The following FSTL4 variants were observed in gnomAD, a reference collection of about 807,000 sequenced individuals.
FSTL4 encodes the protein follistatin-related protein 4.
Under a neutral mutation model 78.2 loss-of-function variants are expected in FSTL4, and 28 were observed. The observed-to-expected ratio is 0.36, with a 90% CI of 0.27 to 0.49. The LOEUF (loss-of-function observed/expected upper bound fraction) is 0.49, where lower values mean the gene tolerates loss of function less well. Ranked by LOEUF, FSTL4 falls within the 20% of genes least tolerant of loss-of-function variation. The pLI, the probability that FSTL4 is intolerant of heterozygous loss-of-function variation, is 0.98. For missense variants in FSTL4, 922 were observed against 1,084.9 expected (o/e 0.85, Z 2.11); for synonymous variants, 422 against 440.5 (o/e 0.96, Z 0.53).
the FSTL4 span, among the ~76,000 whole-genome samples, chr5:133,831,375 A>C: frequency 6.6e-6 from 1 of 152,166 alleles, no homozygotes; most frequent in Non-Finnish European, 1.5e-5. Context: ...ATGACTCTTA[A>C]GTGCTTCCTT....
chr5:133,733,330 A>C, the FSTL4 span, among the ~76,000 whole-genome samples: 1 of 152,220 alleles, frequency 6.6e-6, no homozygotes, highest in East Asian at 1.9e-4. Context: ...TTGCCCGACC[A>C]TCTGAAACCC....
At chr5:133,530,180 C>T (rs1347315671) in intron 3 of FSTL4, among the ~76,000 whole-genome samples, 6 of 152,108 alleles carry the variant, frequency 3.9e-5, no homozygotes, top group Non-Finnish European at 8.8e-5. Context: ...GTAAAACCGA[C>T]GGTGGGAATC....
chr5:133,211,953 C>G (rs745590889), intron 13 of FSTL4, among the ~76,000 whole-genome samples: 39 of 151,900 alleles, frequency 2.6e-4, no homozygotes, highest in Non-Finnish European at 4.4e-4. Context: ...TCTCCCTTTA[C>G]TCTCTTGCTT....
At chr5:133,227,688 TAAAG>T (rs1423894677) in intron 8 of FSTL4, among the ~76,000 whole-genome samples, 3 of 151,690 alleles carry the variant, frequency 2.0e-5, no homozygotes, top group South Asian at 4.2e-4. Flanking sequence ...AGAATAAACT[TAAAG>T]AAAGAAGAAG....
intron 4 of FSTL4, among the ~76,000 whole-genome samples, chr5:133,342,747 G>A (rs568430806): frequency 1.3e-4 from 19 of 151,920 alleles, no homozygotes; most frequent in Non-Finnish European, 2.9e-5. Context: ...GAAAACTTGG[G>A]AAAAAGAAAA....
chr5:133,563,014 G>A (rs947934340), intron 3 of FSTL4, among the ~76,000 whole-genome samples: 2 of 152,180 alleles, frequency 1.3e-5, no homozygotes, highest in Non-Finnish European at 2.9e-5. Context: ...AATTTTAGAT[G>A]TCTGGAGGGA....
At chr5:133,677,891 G>A in the FSTL4 span, among the ~76,000 whole-genome samples, 1 of 152,124 alleles carries the variant, frequency 6.6e-6, no homozygotes, top group East Asian at 1.9e-4. Flanking sequence ...AAGCCAATAA[G>A]GTTCCCACTC....
rs143300029 is a variant in FSTL4 at position 133,507,293 on chromosome 5, A to C, written c.160+59893T>G. ...TTTTTAAATAAAAATGAACAGAACA[A>C]TGCAGCATGCTGTACCAGCTCTTGA... On this transcript the variant is annotated intron_variant, in intron 3 of 15. Transcript: ENST00000265342. Among the ~76,000 whole-genome samples the C allele has an allele frequency of 1.3e-3, 205 of 152,326 alleles. 2 individuals are homozygous for C. The East Asian group carries it at 0.021, about 15-fold the overall frequency.
the FSTL4 span, among the ~76,000 whole-genome samples, chr5:133,818,946 T>TATATATATATATATATATATATATA: frequency 7.7e-6 from 1 of 130,490 alleles, no homozygotes; most frequent in Non-Finnish European, 1.6e-5. Context: ...TATATATATA[T>TATATATATATATATATATATATATA]GTACACACAC....
the FSTL4 span, among the ~76,000 whole-genome samples, chr5:133,662,551 C>A: frequency 2.0e-5 from 3 of 151,938 alleles, no homozygotes; most frequent in Non-Finnish European, 2.9e-5. Flanking sequence ...TAAAAAAAAT[C>A]TATGGTTTGA....
chr5:133,669,837 G>A, the FSTL4 span, among the ~76,000 whole-genome samples: 27 of 152,210 alleles, frequency 1.8e-4, no homozygotes, highest in South Asian at 2.1e-4. Context: ...TAACCTCCCC[G>A]CACTGCAACC....
chr5:133,511,219 C>G (rs181798782), intron 3 of FSTL4, among the ~76,000 whole-genome samples: 1 of 152,288 alleles, frequency 6.6e-6, no homozygotes, highest in East Asian at 1.9e-4. Context: ...CTGCCATGGG[C>G]CTGGGTCCCT....
intron 3 of FSTL4, among the ~76,000 whole-genome samples, chr5:133,561,775 C>T (rs1162473907): frequency 6.6e-6 from 1 of 152,122 alleles, no homozygotes; most frequent in African/African-American, 2.4e-5. Flanking sequence ...GGTTGAGTAA[C>T]TTACCTGAAG....
At chr5:133,796,033 CTCT>C in the FSTL4 span, among the ~76,000 whole-genome samples, 4 of 152,230 alleles carry the variant, frequency 2.6e-5, no homozygotes, top group Admixed American at 6.5e-5. Context: ...AGTCCTTCTG[CTCT>C]TCTTACCAGC....
At chr5:133,597,358 T>G (rs1000006213) in intron 2 of FSTL4, among the ~76,000 whole-genome samples, 1 of 152,180 alleles carries the variant, frequency 6.6e-6, no homozygotes, top group African/African-American at 2.4e-5. Context: ...AGCAGATGAT[T>G]GGGACTTGGC....
the FSTL4 span, among the ~76,000 whole-genome samples, chr5:133,743,788 G>A: frequency 4.6e-4 from 70 of 152,240 alleles, no homozygotes; most frequent in African/African-American, 1.5e-3. Context: ...AATCTAACCC[G>A]CTTTAACAGC....
At chr5:133,237,624 T>C (rs535925452) in intron 7 of FSTL4, among the ~76,000 whole-genome samples, 1 of 152,340 alleles carries the variant, frequency 6.6e-6, no homozygotes, top group African/African-American at 2.4e-5. Context: ...ATAGGCATCA[T>C]ATAATTACAG....
chr5:133,394,319 G>C (rs572659733), intron 4 of FSTL4, among the ~76,000 whole-genome samples: 1 of 152,238 alleles, frequency 6.6e-6, no homozygotes, highest in Non-Finnish European at 1.5e-5. Flanking sequence ...GCCGAGGCTG[G>C]AGCCAGCTCC....
At position 133,312,725 on chromosome 5, in the gene FSTL4, C is replaced by A. The variant is rs750502397; in HGVS notation, c.656G>T (p.Gly219Val). 18 of 1,613,910 alleles carry A rather than the reference C, an allele frequency of 1.1e-5. No individual in the cohort carries two copies. The highest frequency in any genetic ancestry group is 1.7e-6 in the Non-Finnish European group (2 of 1,179,774). The change falls in exon 6 of 16, where the codon GGT becomes GTT. Residue 219 changes from glycine (G) to valine (V), a missense_variant. Coordinates refer to ENST00000265342, the MANE Select transcript of FSTL4 (RefSeq NM_015082.2). ...LDEDLLGCSP[G>V]DLLRFDDYNS... is the part of the protein sequence containing the mutation. Reference sequence around the variant, plus strand: ...GTAATCGTCAAATCGGAGGAGGTCACCTGGTGAGCAACCAAGTAAGTCTTC... The same window carrying A: ...GTAATCGTCAAATCGGAGGAGGTCAACTGGTGAGCAACCAAGTAAGTCTTC...
Sources: allele counts gnomAD v4.1 joint callset (sites outside exome capture counted in the v4.1 genomes callset), GRCh38; gene constraint gnomAD v4.1.1; transcripts MANE v1.5; gene names NCBI Gene and HGNC (gene_info 2026-07-23, HGNC 2026-07-21).